SEPTIN14: variants seen among roughly 807,000 people sequenced by gnomAD.
SEPTIN14 encodes the protein septin 14.
SEPTIN14 carries 40 observed loss-of-function variants against 53.6 expected under a neutral mutation model. That is an observed-to-expected ratio of 0.75 (90% CI 0.58 to 0.97). The LOEUF (loss-of-function observed/expected upper bound fraction) is 0.97, where lower values mean the gene tolerates loss of function less well. SEPTIN14 is among the 50% of genes least tolerant of loss of function. The pLI, the probability that SEPTIN14 is intolerant of heterozygous loss-of-function variation, is 0.00. For missense variants in SEPTIN14, 471 were observed against 508.2 expected, an observed-to-expected ratio of 0.93 and a Z score of 0.70; for synonymous variants, 138 against 166.8, an observed-to-expected ratio of 0.83 and a Z score of 1.33.
rs754724319 is a variant in SEPTIN14 at position 55,805,265 on chromosome 7, T to G, written c.1112A>C (p.Glu371Ala). 28 of 1,611,748 alleles carry G rather than the reference T, an allele frequency of 1.7e-5. No individual in the cohort carries two copies. The highest frequency in any genetic ancestry group is 1.0e-4 in the Admixed American group (6 of 59,666). The stretch of plus-strand genomic sequence containing the variant: ...CAAACTGTCAGTACTAACCTCTTTT[T>G]CAGCTTCTTTAAATGTTGCTTCTTT... ...KEKEATFKEA[E>A]KELQDKFEHL... The change falls in exon 9 of 10, where the codon GAA becomes GCA. Residue 371 changes from glutamate to alanine, a missense_variant. Transcript: ENST00000388975.
At chr7:55,861,155 T>G (rs1320813228) in intron 2 of SEPTIN14, among the ~76,000 whole-genome samples, 1 of 152,186 alleles carries the variant, frequency 6.6e-6, no homozygotes, top group African/African-American at 2.4e-5. Flanking sequence ...GGAATGAGCA[T>G]AGGCCAATGT....
chr7:55,836,032 C>T (rs1382242326), intron 5 of SEPTIN14, among the ~76,000 whole-genome samples: 2 of 152,160 alleles, frequency 1.3e-5, no homozygotes, highest in Non-Finnish European at 2.9e-5. Context: ...TGAGCCACCA[C>T]ACCTGGCCTG....
chr7:55,839,328 G>A (rs1027076825), intron 5 of SEPTIN14, among the ~76,000 whole-genome samples: 1 of 150,820 alleles, frequency 6.6e-6, no homozygotes, highest in Non-Finnish European at 1.5e-5. Context: ...GGCAGAGGTT[G>A]CAGTGAGCCG....
At chr7:55,803,217 C>T (rs535897380) in intron 9 of SEPTIN14, among the ~76,000 whole-genome samples, 11 of 151,994 alleles carry the variant, frequency 7.2e-5, no homozygotes, top group Non-Finnish European at 1.0e-4. Context: ...GGATTATAGG[C>T]GAGAGCCACT....
intron 9 of SEPTIN14, among the ~76,000 whole-genome samples, chr7:55,802,171 A>C (rs917505529): frequency 6.6e-6 from 1 of 151,692 alleles, no homozygotes; most frequent in Non-Finnish European, 1.5e-5. Context: ...CGCCCGGCTA[A>C]TTTTTATATT....
chr7:55,852,125 G>C (rs147389360), intron 2 of SEPTIN14, among the ~76,000 whole-genome samples: 1,620 of 142,058 alleles, frequency 0.011, 19 homozygotes, highest in African/African-American at 0.032. Flanking sequence ...CTGGGCAACA[G>C]AGTGAGACTC....
chr7:55,831,345 G>C (rs1334696563), intron 6 of SEPTIN14, among the ~76,000 whole-genome samples: 1 of 152,130 alleles, frequency 6.6e-6, no homozygotes, highest in East Asian at 1.9e-4. Flanking sequence ...AGTGATGTTT[G>C]ACAAAGTTGG....
intron 7 of SEPTIN14, among the ~76,000 whole-genome samples, chr7:55,814,105 A>G (rs1285652999): frequency 6.6e-6 from 1 of 152,130 alleles, no homozygotes; most frequent in Non-Finnish European, 1.5e-5. Context: ...AATCCAGGGA[A>G]TTCTCCCAGA....
chr7:55,843,615 C>T (rs529133437), intron 4 of SEPTIN14, among the ~76,000 whole-genome samples: 4 of 152,234 alleles, frequency 2.6e-5, no homozygotes, highest in South Asian at 2.1e-4. Flanking sequence ...GGGTGGATCA[C>T]GAGGTCAGGA....
chr7:55,810,127 C>T lies in SEPTIN14; in HGVS notation c.818-2869G>A, dbSNP rs536805470. On this transcript the variant is annotated intron_variant, in intron 7 of 9. Coordinates refer to ENST00000388975, the MANE Select transcript of SEPTIN14 (RefSeq NM_207366.3). Reference sequence around the variant, plus strand: ...GATTACAGGTGTGAGCCACTGCGCCCGGCCTGTCTTTTTGATAATAGTCAT... The same window carrying T: ...GATTACAGGTGTGAGCCACTGCGCCTGGCCTGTCTTTTTGATAATAGTCAT... Among the ~76,000 whole-genome samples the T allele has an allele frequency of 7.2e-5, 11 of 152,098 alleles. No homozygotes were observed. In the South Asian group the frequency reaches 8.3e-4, roughly 11 times the overall value.
chr7:55,830,349 A>ATATATATATATT (rs71015108), intron 6 of SEPTIN14, among the ~76,000 whole-genome samples: 1 of 56,848 alleles, frequency 1.8e-5, no homozygotes, highest in African/African-American at 1.0e-4. Flanking sequence ...ATATATATAT[A>ATATATATATATT]TTTTTTTTTT....
In SEPTIN14 at chr7:55,829,438, C is replaced by T. The variant is rs554342232; in HGVS notation, c.720+4987G>A. On this transcript the variant is annotated intron_variant, in intron 6 of 9. Coordinates refer to ENST00000388975, the MANE Select transcript of SEPTIN14 (RefSeq NM_207366.3). ...TTGATATGGTGCTAGCTAGATTAAC[C>T]AAGAAAAAAGACAGAAGATTCAAGT... Among the ~76,000 whole-genome samples, 15 of 149,444 alleles carry T rather than the reference C, an allele frequency of 1.0e-4. 1 individual carries two copies. The highest frequency in any genetic ancestry group is 8.4e-4 in the South Asian group (4 of 4,734).
chr7:55,810,632 AC>A (rs1226086269), intron 7 of SEPTIN14: 2 of 152,892 alleles, frequency 1.3e-5, no homozygotes, highest in East Asian at 1.9e-4. Flanking sequence ...GCACCCACCA[AC>A]ATGCCCAGCT....
At chr7:55,812,296 T>C (rs1292428502) in intron 7 of SEPTIN14, among the ~76,000 whole-genome samples, 1 of 152,208 alleles carries the variant, frequency 6.6e-6, no homozygotes, top group African/African-American at 2.4e-5. Flanking sequence ...TGAATGAAAC[T>C]GTAGGACATT....
intron 9 of SEPTIN14, among the ~76,000 whole-genome samples, chr7:55,799,449 TAGAGGTTGC>T (rs1460919253): frequency 2.3e-5 from 3 of 132,314 alleles, no homozygotes; most frequent in Non-Finnish European, 4.6e-5. Context: ...GTCCAGGAGG[TAGAGGTTGC>T]AGTGAGCTGA....
At chr7:55,825,813 C>G (rs566404417) in intron 6 of SEPTIN14, among the ~76,000 whole-genome samples, 41 of 148,686 alleles carry the variant, frequency 2.8e-4, no homozygotes, top group Admixed American at 7.4e-4. Context: ...ACTAAAAATA[C>G]AAAAATTGGC....
At chr7:55,845,020 G>T (rs573215849) in intron 3 of SEPTIN14, among the ~76,000 whole-genome samples, 1 of 151,868 alleles carries the variant, frequency 6.6e-6, no homozygotes, top group Admixed American at 6.6e-5. Flanking sequence ...CATCACCCAG[G>T]TACTAAGCAT....
chr7:55,809,228 A>C (rs1410112420), intron 7 of SEPTIN14, among the ~76,000 whole-genome samples: 1 of 152,040 alleles, frequency 6.6e-6, no homozygotes, highest in African/African-American at 2.4e-5. Flanking sequence ...CATAGACACA[A>C]AGGGGAGAAC....
At chr7:55,844,795 GT>G (rs1789373630) in intron 3 of SEPTIN14, 77 bp from the exon 4 acceptor site, 2 of 693,942 alleles carry the variant, frequency 2.9e-6, no homozygotes, top group South Asian at 9.4e-5. Context: ...TCCTACGGTG[GT>G]TTTTAAAATC....
Sources: allele counts gnomAD v4.1 joint callset (sites outside exome capture counted in the v4.1 genomes callset), GRCh38; gene constraint gnomAD v4.1.1; transcripts MANE v1.5; gene names NCBI Gene and HGNC (gene_info 2026-07-23, HGNC 2026-07-21).